Variants in ZNF550 observed in about 807,000 individuals in gnomAD.
The protein encoded by ZNF550 is zinc finger protein 550.
In ZNF550, 42 loss-of-function variants were observed where a neutral mutation model predicts 40.2. The ratio of observed to expected loss-of-function variants is 1.05; its 90% CI spans 0.82 to 1.35. ZNF550 has a LOEUF of 1.35. Among genes scored for constraint, ZNF550 ranks in the 40% most tolerant of loss-of-function variants. ZNF550 has a pLI of 0.00. For synonymous variants in ZNF550, 223 were observed against 198.6 expected (o/e 1.12, Z -1.03); for missense variants, 549 against 525.2 (o/e 1.05, Z -0.44).
At chr19:57,559,661 C>T in exon 1 of ZNF550, 1 of 1,508,366 alleles carries the variant, frequency 6.6e-7, no homozygotes. Flanking sequence ...CTCACCTGCG[C>T]TGCGTCCTTC....
At chr19:57,545,570 G>A (rs2090001145) in intron 4 of ZNF550, among the ~76,000 whole-genome samples, 1 of 152,172 alleles carries the variant, frequency 6.6e-6, no homozygotes, top group Non-Finnish European at 1.5e-5. Context: ...TCAGGAAAAT[G>A]TGAGAGTGCT....
At chr19:57,545,305 C>T (rs901662020) in intron 4 of ZNF550, among the ~76,000 whole-genome samples, 6 of 152,152 alleles carry the variant, frequency 3.9e-5, no homozygotes, top group Non-Finnish European at 8.8e-5. Flanking sequence ...AATGAGATTC[C>T]TCTCCATGTT....
intron 4 of ZNF550, among the ~76,000 whole-genome samples, chr19:57,545,230 C>T (rs770216204): frequency 3.9e-5 from 6 of 152,320 alleles, no homozygotes; most frequent in Admixed American, 2.6e-4. Flanking sequence ...TCCTGATTCA[C>T]CTGTTAAAAT....
chr19:57,560,568 C>G (rs2090160218), upstream of ZNF550, among the ~76,000 whole-genome samples: 1 of 152,108 alleles, frequency 6.6e-6, no homozygotes, highest in South Asian at 2.1e-4. Context: ...TGCGGACGTA[C>G]GAGGGAGAGC....
upstream of ZNF550, among the ~76,000 whole-genome samples, chr19:57,560,396 G>T (rs546168841): frequency 6.6e-6 from 1 of 152,326 alleles, no homozygotes; most frequent in East Asian, 1.9e-4. Context: ...GGTCTCCAGG[G>T]GCCGTGAGTC....
chr19:57,557,473 T>A (rs2090132793), intron 1 of ZNF550: 1 of 152,076 alleles, frequency 6.6e-6, no homozygotes, highest in Non-Finnish European at 1.5e-5. Context: ...CTCATTACCC[T>A]ATAGTCCTGC....
At position 57,544,638 on chromosome 19, in the gene ZNF550, T is replaced by C. The variant is rs1286177784; in HGVS notation, c.*519-1395A>G. The C allele has an allele frequency of 1.3e-5, 13 of 984,014 alleles. No homozygotes were observed. In the Admixed American group the frequency reaches 1.8e-4, roughly 14 times the overall value. The allele number at this position is 984,014 out of a possible 1,614,324, so 61.0% of individuals were successfully genotyped here. A position where few individuals can be genotyped will look rare whatever the true frequency, so the allele number is the denominator to read the frequency against. On this transcript the variant is annotated intron_variant, in intron 4 of 4. Transcript: ENST00000457177. The stretch of plus-strand genomic sequence containing the variant: ...CTCACCAAGAATTCTATTTATAATA[T>C]GTGCAAAAGGACCACAGTAAAAGGT...
chr19:57,551,992 A>G (rs1164767843), intron 3 of ZNF550, among the ~76,000 whole-genome samples: 1 of 152,208 alleles, frequency 6.6e-6, no homozygotes, highest in Non-Finnish European at 1.5e-5. Flanking sequence ...TATCAAGGGG[A>G]GGAAAGTCCC....
chr19:57,552,798 C>A (rs895977537), intron 2 of ZNF550, 76 bp from the exon 3 acceptor site: 1 of 1,100,948 alleles, frequency 9.1e-7, no homozygotes, highest in Non-Finnish European at 1.3e-6. Context: ...CCTAGGACTT[C>A]ATGACAGGGT....
At chr19:57,542,561 G>A (rs573523177) in exon 5 of ZNF550, 19 of 151,704 alleles carry the variant, frequency 1.3e-4, no homozygotes, top group Non-Finnish European at 2.2e-4. Flanking sequence ...ATGAAATATA[G>A]GATAGAAATA....
intron 1 of ZNF550, chr19:57,557,360 A>G (rs1429420419): frequency 6.6e-6 from 1 of 152,152 alleles, no homozygotes; most frequent in Non-Finnish European, 1.5e-5. Flanking sequence ...AAAGTCAAAC[A>G]TAAATCTGGC....
intron 4 of ZNF550, chr19:57,546,348 T>TAAAAAA (rs747779325): frequency 7.5e-6 from 2 of 265,592 alleles, no homozygotes; most frequent in African/African-American, 5.0e-5. Context: ...GAATGTATGT[T>TAAAAAA]AAAAAAAAAA....
At chr19:57,546,970 T>G (rs1348677289) in exon 4 of ZNF550, 11 of 1,597,802 alleles carry the variant, frequency 6.9e-6, no homozygotes, top group Non-Finnish European at 8.6e-6. Flanking sequence ...AGCAATAGGG[T>G]TCTCTCATGT....
At chr19:57,547,493 G>C in exon 4 of ZNF550, 12 of 1,613,768 alleles carry the variant, frequency 7.4e-6, no homozygotes, top group Non-Finnish European at 1.0e-5. Context: ...GTGTGGATGA[G>C]GTAGTGCCGA....
At chr19:57,544,657 A>G (rs2089992557) in intron 4 of ZNF550, 1 of 955,790 alleles carries the variant, frequency 1.0e-6, no homozygotes, top group Admixed American at 6.2e-5. Flanking sequence ...GGACCACAGT[A>G]AAAGGTACAT....
In ZNF550 at chr19:57,554,569, C is replaced by G. The variant is rs1180559725; in HGVS notation, c.154+1662G>C. ...GTTATATGCAGCCAAATGCTTTCCA[C>G]TAGATGTGGTGAGTAAAAGACAGGA... On this transcript the variant is annotated intron_variant, in intron 2 of 4. Transcript: ENST00000457177. This position sits in a 1 kb window ranked among gnomAD's most constrained non-coding sequence, Gnocchi z 4.5. The G allele has an allele frequency of 6.6e-6, 1 of 152,222 alleles. No homozygotes were observed. The highest frequency in any genetic ancestry group is 1.5e-5 in the Non-Finnish European group (1 of 68,050). The allele number at this position is 152,222 out of a possible 1,614,324, so 9.4% of individuals were successfully genotyped here. A position where few individuals can be genotyped will look rare whatever the true frequency, so the allele number is the denominator to read the frequency against.
At chr19:57,543,268 A>C (rs2089977678) in intron 4 of ZNF550, 1 of 820,268 alleles carries the variant, frequency 1.2e-6, no homozygotes, top group African/African-American at 1.9e-5. Context: ...TTTACTGTGA[A>C]CATTTCAAAC....
chr19:57,551,569 C>T (rs2090072964), intron 3 of ZNF550, among the ~76,000 whole-genome samples: 1 of 152,156 alleles, frequency 6.6e-6, no homozygotes, highest in African/African-American at 2.4e-5. Context: ...GGTGTGTTTC[C>T]AGCCTTCTAA....
intron 4 of ZNF550, among the ~76,000 whole-genome samples, chr19:57,544,827 A>G (rs752714642): frequency 7.2e-5 from 11 of 152,242 alleles, no homozygotes; most frequent in Non-Finnish European, 1.3e-4. Context: ...GGAATTTCAA[A>G]TTACCAGATT....
Sources: allele counts gnomAD v4.1 joint callset (sites outside exome capture counted in the v4.1 genomes callset), GRCh38; gene constraint gnomAD v4.1.1; non-coding constraint Gnocchi (gnomAD v3.1); transcripts MANE v1.5; gene names NCBI Gene and HGNC (gene_info 2026-07-23, HGNC 2026-07-21).